PTPRT: variants seen among roughly 807,000 people sequenced by gnomAD.
The protein encoded by PTPRT is receptor-type tyrosine-protein phosphatase T.
Under a neutral mutation model 176.8 loss-of-function variants are expected in PTPRT, and 56 were observed. The ratio of observed to expected loss-of-function variants is 0.32; its 90% CI spans 0.26 to 0.40. The LOEUF (loss-of-function observed/expected upper bound fraction) is 0.40. PTPRT is among the 10% of genes least tolerant of loss of function. The pLI is 1.00. For missense variants in PTPRT, 1,540 were observed against 1,908.2 expected (o/e 0.81, Z 3.60); for synonymous variants, 783 against 739.0 (o/e 1.06, Z -0.96).
intron 27 of PTPRT, among the ~76,000 whole-genome samples, chr20:42,094,283 GGGT>G (rs1984963779): frequency 6.6e-6 from 1 of 152,162 alleles, no homozygotes; most frequent in African/African-American, 2.4e-5. Flanking sequence ...CAAAAGCGTA[GGGT>G]GGTGATGCCT....
At chr20:42,035,477 C>G in the PTPRT span, among the ~76,000 whole-genome samples, 1 of 152,166 alleles carries the variant, frequency 6.6e-6, no homozygotes, top group African/African-American at 2.4e-5. Flanking sequence ...CTGGCAATGA[C>G]TCTGATATAG....
At chr20:42,629,652 T>G (rs529779167) in intron 7 of PTPRT, among the ~76,000 whole-genome samples, 1 of 152,302 alleles carries the variant, frequency 6.6e-6, no homozygotes, top group African/African-American at 2.4e-5. Context: ...GATGGTCTGC[T>G]TGGTACTCAG....
chr20:42,704,786 T>C (rs964400700), intron 6 of PTPRT, among the ~76,000 whole-genome samples: 19 of 152,194 alleles, frequency 1.2e-4, no homozygotes, highest in African/African-American at 4.1e-4. Context: ...GAAAGGGTCA[T>C]GTAGGGGCTG....
intron 9 of PTPRT, among the ~76,000 whole-genome samples, chr20:42,432,182 G>A (rs2145804775): frequency 6.6e-6 from 1 of 152,282 alleles, no homozygotes; most frequent in Middle Eastern, 3.4e-3. Context: ...GATAATCGCA[G>A]TCTAAGCCTC....
intron 16 of PTPRT, among the ~76,000 whole-genome samples, chr20:42,165,699 G>C (rs1284642945): frequency 6.6e-6 from 1 of 152,140 alleles, no homozygotes; most frequent in African/African-American, 2.4e-5. Context: ...TTTAAATTTT[G>C]TTTAATTTTA....
the PTPRT span, among the ~76,000 whole-genome samples, chr20:42,043,344 A>C: frequency 1.3e-5 from 2 of 152,156 alleles, no homozygotes; most frequent in African/African-American, 2.4e-5. Context: ...CAAGTAAACA[A>C]TGTTGGGTCC....
At chr20:42,518,978 C>A (rs957436340) in intron 7 of PTPRT, among the ~76,000 whole-genome samples, 2 of 151,940 alleles carry the variant, frequency 1.3e-5, no homozygotes, top group Non-Finnish European at 2.9e-5. Flanking sequence ...CTCTCATGTA[C>A]CCTTTATCCA....
At chr20:42,598,862 G>A (rs898418507) in intron 7 of PTPRT, among the ~76,000 whole-genome samples, 1 of 152,114 alleles carries the variant, frequency 6.6e-6, no homozygotes, top group East Asian at 1.9e-4. Context: ...AGCACCCCTC[G>A]TTCACCTCTG....
chr20:42,572,916 G>GTTT (rs758866784), intron 7 of PTPRT, among the ~76,000 whole-genome samples: 2 of 116,774 alleles, frequency 1.7e-5, no homozygotes, highest in Admixed American at 9.0e-5. Context: ...CTAGAGATAA[G>GTTT]TTTTTGTTTT....
intron 1 of PTPRT, among the ~76,000 whole-genome samples, chr20:43,173,773 C>A (rs1349830226): frequency 6.6e-6 from 1 of 152,182 alleles, no homozygotes; most frequent in Admixed American, 6.5e-5. Context: ...GAATTACCTG[C>A]TTGTATGACT....
At chr20:42,313,515 C>T (rs946000356) in intron 12 of PTPRT, among the ~76,000 whole-genome samples, 14 of 152,048 alleles carry the variant, frequency 9.2e-5, no homozygotes, top group Admixed American at 2.6e-4. Context: ...GTTGGTTTCC[C>T]GGGTTCTATA....
At position 42,861,499 on chromosome 20, in the gene PTPRT, T is replaced by G. The variant is rs550878338; in HGVS notation, c.214+24308A>C. 1.1e-3 allele frequency among the ~76,000 whole-genome samples: 162 copies of G among 152,300 alleles called. 2 individuals are homozygous for G. The highest frequency in any genetic ancestry group is 3.7e-3 in the African/African-American group (154 of 41,560). On this transcript the variant is annotated intron_variant, in intron 2 of 30. Coordinates refer to ENST00000373187, the MANE Select transcript of PTPRT (RefSeq NM_007050.6). The stretch of plus-strand genomic sequence containing the variant: ...TTCATTCATTTAAGAAAAAAAATTC[T>G]GAGTACCTACTATGTGTTGCTTGTT...
At chr20:42,093,786 G>A (rs73129161) in intron 27 of PTPRT, among the ~76,000 whole-genome samples, 6,042 of 152,306 alleles carry the variant, frequency 0.04, 187 homozygotes, top group Middle Eastern at 0.071. Context: ...TGCTGACGCC[G>A]CTTCAAAGAA....
At chr20:42,895,164 A>G (rs1352615241) in intron 1 of PTPRT, among the ~76,000 whole-genome samples, 1 of 152,222 alleles carries the variant, frequency 6.6e-6, no homozygotes, top group African/African-American at 2.4e-5. Flanking sequence ...AAAATGCCAC[A>G]AACTGTGTGA....
intron 1 of PTPRT, among the ~76,000 whole-genome samples, chr20:43,142,067 C>G (rs971853197): frequency 1.3e-5 from 2 of 152,216 alleles, no homozygotes; most frequent in African/African-American, 4.8e-5. Flanking sequence ...CCATCTGCTC[C>G]CTCATTTGCC....
intron 7 of PTPRT, among the ~76,000 whole-genome samples, chr20:42,545,099 C>T (rs1168741219): frequency 6.6e-6 from 1 of 152,184 alleles, no homozygotes; most frequent in African/African-American, 2.4e-5. Flanking sequence ...CTGGCTTGCC[C>T]ATGCACATTT....
chr20:42,185,014 C>T (rs1217527215), intron 16 of PTPRT, among the ~76,000 whole-genome samples: 2 of 152,034 alleles, frequency 1.3e-5, no homozygotes, highest in East Asian at 1.9e-4. Context: ...ATCGTGGCTT[C>T]CTCTCACCTA....
At position 42,297,404 on chromosome 20, in the gene PTPRT, T is replaced by C. The variant is rs1298503353; in HGVS notation, c.2140-14879A>G. 2.0e-5 allele frequency among the ~76,000 whole-genome samples: 3 copies of C among 152,094 alleles called. No homozygotes were observed. The East Asian group carries it at 5.8e-4, about 29-fold the overall frequency. ...GAAAGATAATGTAGACTCGAACAAA[T>C]AGAAAGACATCCCTTATCTCAGGTA... is the stretch of plus-strand genomic sequence containing the variant. On this transcript the variant is annotated intron_variant, in intron 12 of 30. Transcript: ENST00000373187.
Position 42,526,956 on chromosome 20 carries a change from C to CTTTT in PTPRT, c.1154-54398_1154-54395dup, listed in dbSNP as rs915511549. 2.6e-3 allele frequency among the ~76,000 whole-genome samples: 202 copies of CTTTT among 78,720 alleles called. 4 individuals are homozygous for CTTTT. The highest frequency in any genetic ancestry group is 5.8e-3 in the African/African-American group (118 of 20,512). 51.6% of individuals were successfully genotyped at this position (78,720 alleles called of 152,430 possible). A position where few individuals can be genotyped will look rare whatever the true frequency, so the allele number is the denominator to read the frequency against. ...GAGACTGACTTCTTGGTTCTTTTTTCTTTTTTTTTTTTTTTTTTTTTTTTT... is the reference window on the plus strand; with the variant it reads ...GAGACTGACTTCTTGGTTCTTTTTTCTTTTTTTTTTTTTTTTTTTTTTTTTTTTT... On this transcript the variant is annotated intron_variant, in intron 7 of 30. Coordinates refer to ENST00000373187, the MANE Select transcript of PTPRT (RefSeq NM_007050.6).
Sources: gnomAD v4.1 joint callset for allele counts (sites outside exome capture counted in the v4.1 genomes callset) on GRCh38, gnomAD v4.1.1 for gene constraint, MANE v1.5 for transcripts, NCBI Gene and HGNC (gene_info 2026-07-23, HGNC 2026-07-21) for gene names.